The following C3 variants were observed in gnomAD, a reference collection of about 807,000 sequenced individuals.
C3 encodes the protein complement C3.
C3 carries 97 observed loss-of-function variants against 207.9 expected under a neutral mutation model. The ratio of observed to expected loss-of-function variants is 0.47; its 90% CI spans 0.40 to 0.55. C3 has a LOEUF of 0.55. Ranked by LOEUF, C3 falls within the 20% of genes least tolerant of loss-of-function variation. The pLI is 0.00. For synonymous variants in C3, 848 were observed against 857.6 expected, an observed-to-expected ratio of 0.99 and a Z score of 0.20; for missense variants, 1,684 against 2,171.7, an observed-to-expected ratio of 0.78 and a Z score of 4.46.
rs1742360373 is a variant in C3 at position 6,713,991 on chromosome 19, C to T, written c.773+1G>A. 1 of 1,602,442 alleles carries T rather than the reference C, an allele frequency of 6.2e-7. No homozygotes were observed. Among genetic ancestry groups the T allele is most frequent in the Non-Finnish European group, 8.5e-7 (1 of 1,173,826 alleles). ...ACCTGGCCCCACCCCCAGTCCCTCA[C>T]CTGGCGGTGATGGTGACCTCCAGGC... On this transcript the variant is annotated splice_donor_variant, in intron 7 of 40. Coordinates refer to ENST00000245907, the MANE Select transcript of C3 (RefSeq NM_000064.4). LOFTEE classifies it high-confidence loss of function.
At chr19:6,702,978 G>C (rs552041213) in intron 17 of C3, 11 of 294,728 alleles carry the variant, frequency 3.7e-5, no homozygotes, top group African/African-American at 2.4e-4. Flanking sequence ...AGGTTGCAGT[G>C]AGCTGAGATC....
chr19:6,691,999 CACACACACA>C (rs1568214762), intron 26 of C3, among the ~76,000 whole-genome samples: 16 of 141,476 alleles, frequency 1.1e-4, no homozygotes, highest in African/African-American at 4.3e-4. Context: ...AACACACACA[CACACACACA>C]CACACACACA....
rs1343145308 is a variant in C3 at position 6,714,020 on chromosome 19, T to C, written c.745A>G (p.Lys249Glu). ...GCGGTGATGGTGACCTCCAGGCCCTTCTCGTTATAGATGTAGTAGAATTTC... is the reference window on the plus strand; with the variant it reads ...GCGGTGATGGTGACCTCCAGGCCCTCCTCGTTATAGATGTAGTAGAATTTC... ...TEKFYYIYNE[K>E]GLEVTITARF... The change falls in exon 7 of 41, where the codon AAG becomes GAG. Residue 249 changes from lysine (K) to glutamate (E), a missense_variant. By Grantham distance (56) the Lys-to-Glu change is moderately conservative. Around this residue, in one of 3 missense-constraint regions of C3, gnomAD observed 1,280 missense variants for 1,739.1 expected, o/e 0.74. Transcript: ENST00000245907. The C allele has an allele frequency of 6.2e-7, 1 of 1,609,756 alleles. No homozygotes were observed. Among genetic ancestry groups the C allele is most frequent in the African/African-American group, 1.4e-5 (1 of 73,630 alleles).
Position 6,686,616 on chromosome 19 carries a change from G to A in C3, c.3646+130C>T, listed in dbSNP as rs148739393. ...TATGCATCCCAGCTTGATACCTTAG[G>A]ACTATCCATCTCAGCTTGGCTTAGG... On this transcript the variant is annotated intron_variant, in intron 28 of 40. Coordinates refer to ENST00000245907, the MANE Select transcript of C3 (RefSeq NM_000064.4). 172 of 1,004,252 alleles carry A rather than the reference G, an allele frequency of 1.7e-4. No homozygotes were observed. The African/African-American group carries it at 2.5e-3, about 15-fold the overall frequency. 62.2% of individuals were successfully genotyped at this position (1,004,252 alleles called of 1,614,324 possible).
In C3 at chr19:6,684,560, C is replaced by T. The variant is rs779401814; in HGVS notation, c.4120G>A (p.Glu1374Lys). Residue 1374 changes from glutamate (E) to lysine (K), a missense_variant and splice_region_variant, in exon 32 of 41, where the codon GAA becomes AAA. Physicochemically the swap from Glu to Lys is moderately conservative, Grantham distance 56 (BLOSUM62 1). This residue lies in a region of C3 where 346 missense variants were observed against 380.1 expected (regional missense o/e 0.91). Transcript: ENST00000245907. Reference sequence around the variant, plus strand: ...CAGATAAGGCCTTGATTCCTTTTACCTGTTTCCGGTGCTGGTTTTATGGTG... The same window carrying T: ...CAGATAAGGCCTTGATTCCTTTTACTTGTTTCCGGTGCTGGTTTTATGGTG... ...KVTIKPAPET[E>K]KRPQDAKNTM... 2.5e-6 allele frequency: 4 copies of T among 1,612,688 alleles called. No individual in the cohort carries two copies. In the Admixed American group the frequency reaches 5.0e-5, roughly 20 times the overall value.
chr19:6,693,755 G>T (rs927172250), intron 24 of C3, among the ~76,000 whole-genome samples: 2 of 151,960 alleles, frequency 1.3e-5, no homozygotes, highest in Non-Finnish European at 2.9e-5. Context: ...CTCTCAGAGA[G>T]GGGGTGGAGT....
chr19:6,710,175 A>T (rs1199001902), intron 13 of C3, among the ~76,000 whole-genome samples: 1 of 108,938 alleles, frequency 9.2e-6, no homozygotes, highest in South Asian at 4.1e-4. Flanking sequence ...AGAGGGAAAG[A>T]GAGAGGGAGA....
In C3 at chr19:6,686,148, G is replaced by A. The variant is rs768299272; in HGVS notation, c.3786C>T (p.Tyr1262=). The A allele has an allele frequency of 1.5e-5, 24 of 1,614,020 alleles. No homozygotes were observed. Among genetic ancestry groups the A allele is most frequent in the Admixed American group, 6.7e-5 (4 of 60,010 alleles). The change falls in exon 29 of 41, where the codon TAC becomes TAT. Residue 1262 remains tyrosine, a synonymous_variant. Transcript: ENST00000245907. ...CCTGGGTAGAGCCATAGCCACCACC[G>A]TAGTATCTCTGTTCATTGAGCCAAC... ...VVRWLNEQRY[Y]GGGYGSTQAT... is the part of the protein sequence containing the mutation.
At position 6,718,378 on chromosome 19, in the gene C3, C is replaced by T. The variant is rs373754302; in HGVS notation, c.302G>A (p.Gly101Glu). Residue 101 changes from glycine to glutamate, a missense_variant, in exon 3 of 41, where the codon GGG (glycine) becomes GAG (glutamate). Around this residue, in one of 3 missense-constraint regions of C3, gnomAD observed 1,280 missense variants for 1,739.1 expected, o/e 0.74. Coordinates refer to ENST00000245907, the MANE Select transcript of C3 (RefSeq NM_000064.4). ...CTGCACGGTCACGAACTTGTTGCGC[C>T]CCTTTTCTGACTTGAACTCCCTGTT... The part of the protein sequence containing the change: ...PANREFKSEK[G>E]RNKFVTVQAT... 1.1e-5 allele frequency: 18 copies of T among 1,614,082 alleles called. No individual in the cohort carries two copies. Among genetic ancestry groups the T allele is most frequent in the Admixed American group, 1.7e-5 (1 of 60,004 alleles).
At chr19:6,709,916 G>A in intron 13 of C3, 74 bp from the exon 14 acceptor site, 3 of 1,499,498 alleles carry the variant, frequency 2.0e-6, no homozygotes, top group Non-Finnish European at 1.8e-6. Flanking sequence ...GTGGGTGCTG[G>A]GCTAGAGTGG....
intron 4 of C3, 109 bp from the exon 5 acceptor site, chr19:6,714,555 C>G: frequency 1.2e-6 from 1 of 808,804 alleles, no homozygotes; most frequent in Non-Finnish European, 2.1e-6. Flanking sequence ...TGCACAGTGT[C>G]TACTGTGGTT....
chr19:6,714,540 C>T, intron 4 of C3, 94 bp from the exon 5 acceptor site: 1 of 877,080 alleles, frequency 1.1e-6, no homozygotes, highest in Non-Finnish European at 1.9e-6. Context: ...TCTGGACATT[C>T]TCTGTGCACA....
At position 6,697,672 on chromosome 19, in the gene C3, G is replaced by A. The variant is rs765999872; in HGVS notation, c.2563C>T (p.Arg855Trp). Residue 855 changes from arginine to tryptophan, a missense_variant, in exon 20 of 41, where the codon CGG becomes TGG. Physicochemically the swap from Arg to Trp is moderately radical, Grantham distance 101. Coordinates refer to ENST00000245907, the MANE Select transcript of C3 (RefSeq NM_000064.4). Reference sequence around the variant, plus strand: ...CCCACCTTGAGCTCTTGGTTCTGCCGGTAATTGTAGAGAACGGCTCGGATT... The same window carrying A: ...CCCACCTTGAGCTCTTGGTTCTGCCAGTAATTGTAGAGAACGGCTCGGATT... ...VEIRAVLYNYRQNQELKVRVE... is the reference protein window; with the variant it reads ...VEIRAVLYNYWQNQELKVRVE... 9 of 1,614,110 alleles carry A rather than the reference G, an allele frequency of 5.6e-6. No homozygotes were observed. Among genetic ancestry groups the A allele is most frequent in the South Asian group, 1.1e-5 (1 of 91,066 alleles).
chr19:6,716,682 C>T (rs1568228254), intron 4 of C3: 1 of 152,164 alleles, frequency 6.6e-6, no homozygotes. Context: ...GTGACAAAAC[C>T]CTCAACAAAC....
chr19:6,713,415 G>T lies in C3; in HGVS notation c.868C>A (p.Arg290Ser). 1 of 1,613,848 alleles carries T rather than the reference G, an allele frequency of 6.2e-7. No homozygotes were observed. The highest frequency in any genetic ancestry group is 8.5e-7 in the Non-Finnish European group (1 of 1,179,836). Residue 290 changes from arginine to serine, a missense_variant, in exon 8 of 41, where the codon CGC becomes AGC. Arg to Ser is a moderately radical substitution (Grantham distance 110, BLOSUM62 -1). This residue lies in a region of C3 where 1,280 missense variants were observed against 1,739.1 expected (regional missense o/e 0.74). Coordinates refer to ENST00000245907, the MANE Select transcript of C3 (RefSeq NM_000064.4). ...QRISLPESLKRIPIEDGSGEV... is the reference protein window; with the variant it reads ...QRISLPESLKSIPIEDGSGEV... ...GCCTCCGTCTATGGTACCGGAATGCGCTTGAGGGATTCAGGCAGGGAAATC... is the reference window on the plus strand; with the variant it reads ...GCCTCCGTCTATGGTACCGGAATGCTCTTGAGGGATTCAGGCAGGGAAATC...
At chr19:6,709,243 T>C (rs1568224061) in intron 14 of C3, among the ~76,000 whole-genome samples, 1 of 151,956 alleles carries the variant, frequency 6.6e-6, no homozygotes, top group Non-Finnish European at 1.5e-5. Flanking sequence ...GGCCAAGAGA[T>C]CGAGACCATC....
rs1308966716 is a variant in C3 at position 6,677,846 on chromosome 19, T to C, written c.*36A>G. 6.2e-7 allele frequency: 1 copy of C among 1,612,892 alleles called. No individual in the cohort carries two copies. The highest frequency in any genetic ancestry group is 1.1e-5 in the South Asian group (1 of 91,070). On this transcript the variant is annotated 3_prime_UTR_variant, in exon 41 of 41. Transcript: ENST00000245907. ...GAACTCCAGACACGTGAGATATAAC[T>C]GAAGCTTTATCTGGAGTGGGGGAAT...
At chr19:6,711,315 G>T in intron 11 of C3, 119 bp from the exon 12 acceptor site, 2 of 760,098 alleles carry the variant, frequency 2.6e-6, no homozygotes, top group Non-Finnish European at 4.6e-6. Flanking sequence ...ATGGGATTAA[G>T]TTAGGGATCT....
intron 29 of C3, among the ~76,000 whole-genome samples, chr19:6,685,901 G>A (rs994204253): frequency 1.3e-5 from 2 of 152,200 alleles, no homozygotes; most frequent in African/African-American, 4.8e-5. Flanking sequence ...GACACCTGGG[G>A]CAAGAAGAAG....
Sources: allele counts gnomAD v4.1 joint callset (sites outside exome capture counted in the v4.1 genomes callset), GRCh38; gene constraint gnomAD v4.1.1; regional missense constraint gnomAD v4.1.1; transcripts MANE v1.5; gene names NCBI Gene and HGNC (gene_info 2026-07-23, HGNC 2026-07-21).